VWA8: variants seen among roughly 807,000 people sequenced by gnomAD.
VWA8 encodes the protein von Willebrand factor A domain-containing protein 8.
In VWA8, 221 loss-of-function variants were observed where a neutral mutation model predicts 241.5. The ratio of observed to expected loss-of-function variants is 0.91; its 90% CI spans 0.82 to 1.02. The LOEUF (loss-of-function observed/expected upper bound fraction) is 1.02. VWA8 is among the 50% of genes least tolerant of loss of function. VWA8 has a pLI of 0.00. For missense variants in VWA8, 2,322 were observed against 2,328.7 expected, an observed-to-expected ratio of 1.00 and a Z score of 0.06; for synonymous variants, 852 against 827.1, an observed-to-expected ratio of 1.03 and a Z score of -0.52.
chr13:41,747,999 C>T (rs904586459), intron 21 of VWA8, among the ~76,000 whole-genome samples: 25 of 152,226 alleles, frequency 1.6e-4, no homozygotes, highest in Non-Finnish European at 3.1e-4. Context: ...ATTCGGTTTG[C>T]CAGTATTTTA....
chr13:41,834,185 G>A (rs1370607583), intron 12 of VWA8, among the ~76,000 whole-genome samples: 1 of 152,184 alleles, frequency 6.6e-6, no homozygotes, highest in Non-Finnish European at 1.5e-5. Context: ...CAATAAAATA[G>A]TGTAACAGAC....
chr13:41,927,283 C>A, intron 2 of VWA8: 1 of 512,672 alleles, frequency 2.0e-6, no homozygotes, highest in Non-Finnish European at 4.0e-6. Flanking sequence ...TGCTATAAAA[C>A]CCAAAGACAA....
intron 3 of VWA8, among the ~76,000 whole-genome samples, chr13:41,911,475 A>G (rs1011085876): frequency 5.9e-5 from 9 of 152,240 alleles, no homozygotes; most frequent in African/African-American, 2.2e-4. Context: ...AAGGGGAAAC[A>G]TGGGATTTCA....
intron 43 of VWA8, among the ~76,000 whole-genome samples, chr13:41,573,486 A>AAATATATATATAT: frequency 6.2e-5 from 7 of 113,614 alleles, no homozygotes; most frequent in African/African-American, 2.4e-4. Flanking sequence ...AAAAAAAAAA[A>AAATATATATATAT]ATATATATAT....
chr13:41,727,133 G>T, intron 24 of VWA8, 61 bp downstream of exon 24: 1 of 1,290,730 alleles, frequency 7.7e-7, no homozygotes, highest in Non-Finnish European at 1.1e-6. Context: ...AGCCATTACA[G>T]CAGTGTTACT....
chr13:41,678,163 C>A lies in VWA8; in HGVS notation c.4328-2867G>T, dbSNP rs181335220. 9.5e-4 allele frequency among the ~76,000 whole-genome samples: 144 copies of A among 152,228 alleles called. 2 individuals carry two copies. Among genetic ancestry groups the A allele is most frequent in the Admixed American group, 9.4e-3 (143 of 15,276 alleles). Reference sequence around the variant, plus strand: ...AGGATTCTAGAGTTGGAATCACAGTCCTGAGGCCAGGTATGAGCTGCAGAG... The same window carrying A: ...AGGATTCTAGAGTTGGAATCACAGTACTGAGGCCAGGTATGAGCTGCAGAG... On this transcript the variant is annotated intron_variant, in intron 35 of 44. Coordinates refer to ENST00000379310, the MANE Select transcript of VWA8 (RefSeq NM_015058.2).
chr13:41,576,185 CATGT>C (rs2044349591), intron 42 of VWA8, among the ~76,000 whole-genome samples: 1 of 152,146 alleles, frequency 6.6e-6, no homozygotes, highest in Non-Finnish European at 1.5e-5. Flanking sequence ...TATTTCTTTT[CATGT>C]ATGTTCCTTT....
intron 44 of VWA8, 116 bp from the exon 45 acceptor site, chr13:41,568,421 C>G: frequency 1.4e-6 from 1 of 712,570 alleles, no homozygotes; most frequent in Non-Finnish European, 2.4e-6. Flanking sequence ...TTTTTACTTT[C>G]TAATACCTTG....
Position 41,811,298 on chromosome 13 carries a change from G to GC in VWA8, c.1989dup (p.Arg664AlafsTer11). ...TACTGTGACAGCCGACGAGAAATTC[G>GC]CAACAGTTGTCTGGTAGAAAGTGAT... On this transcript the variant is annotated frameshift_variant, in exon 17 of 45. Coordinates refer to ENST00000379310, the MANE Select transcript of VWA8 (RefSeq NM_015058.2). LOFTEE classifies it high-confidence loss of function. 6.2e-7 allele frequency: 1 copy of GC among 1,610,682 alleles called. No homozygotes were observed. The highest frequency in any genetic ancestry group is 1.1e-5 in the South Asian group (1 of 90,744).
intron 17 of VWA8, among the ~76,000 whole-genome samples, chr13:41,797,686 C>A (rs2137956555): frequency 6.6e-6 from 1 of 152,240 alleles, no homozygotes; most frequent in East Asian, 1.9e-4. Context: ...TCTTCATCCC[C>A]AATCATGCTT....
chr13:41,572,490 T>A (rs1181623599), intron 43 of VWA8, among the ~76,000 whole-genome samples: 1 of 152,170 alleles, frequency 6.6e-6, no homozygotes, highest in Non-Finnish European at 1.5e-5. Flanking sequence ...ATCTATAACC[T>A]TACCCCCAAC....
At chr13:41,747,432 T>G (rs1294176397) in intron 21 of VWA8, among the ~76,000 whole-genome samples, 2 of 152,190 alleles carry the variant, frequency 1.3e-5, no homozygotes, top group African/African-American at 4.8e-5. Context: ...TGCTTGTGAT[T>G]TTTGCACATT....
intron 1 of VWA8, among the ~76,000 whole-genome samples, chr13:41,950,293 CATT>C (rs1335227044): frequency 6.6e-6 from 1 of 152,012 alleles, no homozygotes; most frequent in Non-Finnish European, 1.5e-5. Context: ...TGAATAGCAA[CATT>C]AATATAGGCA....
At chr13:41,918,682 G>A (rs1490829996) in intron 2 of VWA8, among the ~76,000 whole-genome samples, 3 of 151,934 alleles carry the variant, frequency 2.0e-5, no homozygotes, top group Non-Finnish European at 4.4e-5. Flanking sequence ...ATAAGGAAAT[G>A]TCCACAATAT....
intron 20 of VWA8, among the ~76,000 whole-genome samples, chr13:41,763,498 C>T (rs947140879): frequency 6.6e-6 from 1 of 151,722 alleles, no homozygotes; most frequent in African/African-American, 2.4e-5. Flanking sequence ...AATTGGATTT[C>T]ACCCAAAATA....
intron 40 of VWA8, among the ~76,000 whole-genome samples, chr13:41,596,214 C>G (rs2044487142): frequency 6.6e-6 from 1 of 152,064 alleles, no homozygotes; most frequent in African/African-American, 2.4e-5. Context: ...TAGCACTGTT[C>G]ATTAGTTTTC....
At chr13:41,627,541 G>C (rs567521557) in intron 37 of VWA8, among the ~76,000 whole-genome samples, 1 of 152,276 alleles carries the variant, frequency 6.6e-6, no homozygotes, top group African/African-American at 2.4e-5. Flanking sequence ...GAATCTTCTG[G>C]AAACATCAGA....
intron 37 of VWA8, among the ~76,000 whole-genome samples, chr13:41,656,800 AT>A (rs1271266413): frequency 6.6e-6 from 1 of 152,246 alleles, no homozygotes. Flanking sequence ...AGGAAAGATC[AT>A]TAGCTATCAC....
At chr13:41,779,211 AATAT>A (rs927443068) in intron 19 of VWA8, among the ~76,000 whole-genome samples, 139 of 147,866 alleles carry the variant, frequency 9.4e-4, no homozygotes, top group Non-Finnish European at 1.6e-3. Flanking sequence ...AATTATATAT[AATAT>A]ATAGATATAA....
Sources: gnomAD v4.1 joint callset for allele counts (sites outside exome capture counted in the v4.1 genomes callset) on GRCh38, gnomAD v4.1.1 for gene constraint, MANE v1.5 for transcripts, NCBI Gene and HGNC (gene_info 2026-07-23, HGNC 2026-07-21) for gene names.